PCDH15: variants seen among roughly 807,000 people sequenced by gnomAD.
The protein encoded by PCDH15 is protocadherin-15.
Under a neutral mutation model 178.5 loss-of-function variants are expected in PCDH15, and 129 were observed. The observed-to-expected ratio is 0.72, with a 90% CI of 0.63 to 0.84. The LOEUF (loss-of-function observed/expected upper bound fraction) is 0.84. PCDH15 is among the 40% of genes least tolerant of loss of function. The pLI is 0.00. For missense variants in PCDH15, 2,230 were observed against 2,099.9 expected (o/e 1.06, Z -1.21); for synonymous variants, 800 against 732.0 (o/e 1.09, Z -1.50).
intron 3 of PCDH15, among the ~76,000 whole-genome samples, chr10:54,464,177 A>G (rs1256082503): frequency 6.6e-6 from 1 of 152,170 alleles, no homozygotes; most frequent in African/African-American, 2.4e-5. Flanking sequence ...GGAACACCCT[A>G]TTTGTGCCTC....
chr10:54,329,668 A>T lies in PCDH15; in HGVS notation c.633T>A (p.Thr211=). 1 of 1,608,372 alleles carries T rather than the reference A, an allele frequency of 6.2e-7. No individual in the cohort carries two copies. The highest frequency in any genetic ancestry group is 8.5e-7 in the Non-Finnish European group (1 of 1,175,118). ...GCCTCTTCCTTAACACTATATTTCC[A>T]GTCAACATTAGGGGAATTTCAAAGG... The part of the protein sequence containing the change: ...NDTFEIPLML[T]GNIVLRKRLN... Residue 211 remains threonine (T), a synonymous_variant, in exon 7 of 38, where the codon ACT becomes ACA. Transcript: ENST00000644397.
chr10:53,928,511 A>G (rs1276424419), intron 25 of PCDH15, among the ~76,000 whole-genome samples: 3 of 152,048 alleles, frequency 2.0e-5, no homozygotes, highest in Non-Finnish European at 4.4e-5. Flanking sequence ...TAATTCTGAT[A>G]ATTTCCCTCA....
intron 2 of PCDH15, among the ~76,000 whole-genome samples, chr10:54,548,117 A>G (rs2086082113): frequency 6.8e-6 from 1 of 147,470 alleles, no homozygotes; most frequent in South Asian, 2.1e-4. Context: ...AAAAAACCAA[A>G]AAAACCAAAA....
chr10:55,195,280 C>T (rs539648657), intron 1 of PCDH15, among the ~76,000 whole-genome samples: 154 of 151,944 alleles, frequency 1.0e-3, no homozygotes, highest in Admixed American at 1.8e-3. Flanking sequence ...GCTTCGGCCT[C>T]CCAAAGTGCT....
At chr10:54,129,086 G>A (rs1255026594) in intron 15 of PCDH15, among the ~76,000 whole-genome samples, 1 of 152,094 alleles carries the variant, frequency 6.6e-6, no homozygotes, top group East Asian at 1.9e-4. Flanking sequence ...TTCCATTTCT[G>A]AGTCTCATTC....
chr10:53,873,917 G>A (rs957792792), intron 26 of PCDH15, among the ~76,000 whole-genome samples: 7 of 152,056 alleles, frequency 4.6e-5, no homozygotes, highest in Non-Finnish European at 8.8e-5. Flanking sequence ...CACTAGAAAC[G>A]CAGCCATCCA....
chr10:54,417,383 G>T (rs919101582), intron 3 of PCDH15, among the ~76,000 whole-genome samples: 11 of 151,860 alleles, frequency 7.2e-5, no homozygotes, highest in Admixed American at 7.2e-4. Flanking sequence ...ACGAAATGGG[G>T]AGTGATAGAA....
At chr10:53,883,801 C>G (rs573078320) in intron 26 of PCDH15, among the ~76,000 whole-genome samples, 1 of 152,240 alleles carries the variant, frequency 6.6e-6, no homozygotes, top group East Asian at 1.9e-4. Context: ...CCACCACCTC[C>G]GCCTCCCAGG....
intron 2 of PCDH15, among the ~76,000 whole-genome samples, chr10:54,933,500 A>G (rs2131855399): frequency 6.6e-6 from 1 of 152,322 alleles, no homozygotes; most frequent in African/African-American, 2.4e-5. Context: ...TGATACACAT[A>G]CAATGGAATA....
chr10:54,446,512 T>G (rs2076149923), intron 3 of PCDH15, among the ~76,000 whole-genome samples: 1 of 151,630 alleles, frequency 6.6e-6, no homozygotes, highest in Non-Finnish European at 1.5e-5. Flanking sequence ...TCTTTATCAT[T>G]TCCTGTTATT....
chr10:55,428,309 A>C (rs930741836), intron 2 of PCDH15, among the ~76,000 whole-genome samples: 3 of 151,898 alleles, frequency 2.0e-5, no homozygotes, highest in Non-Finnish European at 4.4e-5. Flanking sequence ...TTCTTCTGTA[A>C]TATCTATCAG....
chr10:54,436,561 A>G (rs924540950), intron 3 of PCDH15, among the ~76,000 whole-genome samples: 31 of 152,276 alleles, frequency 2.0e-4, no homozygotes, highest in Admixed American at 1.1e-3. Context: ...TAGCTCTGGA[A>G]ATTCTTAAAG....
At chr10:55,197,391 T>TGC (rs1840122278) in intron 1 of PCDH15, among the ~76,000 whole-genome samples, 1 of 152,098 alleles carries the variant, frequency 6.6e-6, no homozygotes, top group Non-Finnish European at 1.5e-5. Flanking sequence ...TTGATTAAAT[T>TGC]TTCTATTGAT....
chr10:54,631,833 A>G (rs1429646695), intron 2 of PCDH15, among the ~76,000 whole-genome samples: 1 of 152,064 alleles, frequency 6.6e-6, no homozygotes, highest in East Asian at 1.9e-4. Context: ...ACTCAGGAGG[A>G]ACCACCATAC....
chr10:53,886,757 T>A (rs905872710), intron 26 of PCDH15, among the ~76,000 whole-genome samples: 2 of 152,116 alleles, frequency 1.3e-5, no homozygotes, highest in African/African-American at 2.4e-5. Context: ...TGTTACTTAA[T>A]CTCAAAGTGA....
chr10:55,166,016 T>C lies in PCDH15; in HGVS notation c.-80+560A>G, dbSNP rs187829066. 4.6e-4 allele frequency among the ~76,000 whole-genome samples: 70 copies of C among 152,268 alleles called. 1 individual carries two copies. The highest frequency in any genetic ancestry group is 2.6e-4 in the Non-Finnish European group (18 of 67,984). ...GTTACCCAAATTTTATTTTAATTTC[T>C]ATTTTGTTGCTCCAATGTTATAAAA... On this transcript the variant is annotated intron_variant, in intron 2 of 5. Transcript: ENST00000458638.
intron 2 of PCDH15, among the ~76,000 whole-genome samples, chr10:54,553,017 TC>T (rs1157557590): frequency 2.6e-5 from 4 of 152,208 alleles, no homozygotes; most frequent in Non-Finnish European, 5.9e-5. Flanking sequence ...TTTTTTCCAT[TC>T]CTAATCAGTT....
chr10:55,302,085 T>C (rs1268556288), intron 1 of PCDH15, among the ~76,000 whole-genome samples: 5 of 152,232 alleles, frequency 3.3e-5, no homozygotes, highest in South Asian at 2.1e-4. Flanking sequence ...TCCATATACA[T>C]GTTAGAATAT....
rs563494648 is a variant in PCDH15, at chr10:54,313,185, T to C, written c.876+4086A>G. Among the ~76,000 whole-genome samples the C allele has an allele frequency of 2.0e-5, 3 of 152,238 alleles. No homozygotes were observed. In the South Asian group the frequency reaches 6.2e-4, roughly 32 times the overall value. On this transcript the variant is annotated intron_variant, in intron 8 of 37. Coordinates refer to ENST00000644397, the MANE Select transcript of PCDH15 (RefSeq NM_001384140.1). The stretch of plus-strand genomic sequence containing the variant: ...TTTTTTTACTGGCAAGAATCCACTA[T>C]CCTTAGGATCTTTCATGCTCTTTGC...
Sources: allele counts gnomAD v4.1 joint callset (sites outside exome capture counted in the v4.1 genomes callset), GRCh38; gene constraint gnomAD v4.1.1; transcripts MANE v1.5; gene names NCBI Gene and HGNC (gene_info 2026-07-23, HGNC 2026-07-21).